Variants in SEC24D observed in about 807,000 individuals in gnomAD.
SEC24D encodes the protein SEC24 homolog D, COPII component.
In SEC24D, 69 loss-of-function variants were observed where a neutral mutation model predicts 116.9. The ratio of observed to expected loss-of-function variants is 0.59; its 90% confidence interval spans 0.49 to 0.72. The LOEUF (loss-of-function observed/expected upper bound fraction) is 0.72, where lower values mean the gene tolerates loss of function less well. SEC24D is among the 30% of genes least tolerant of loss of function. The probability of loss-of-function intolerance (pLI) is 0.00; values close to 1 mark genes in which losing one functional copy is unlikely to be tolerated. For synonymous variants in SEC24D, 405 were observed against 442.8 expected, an observed-to-expected ratio of 0.91 and a Z score of 1.07; for missense variants, 1,131 against 1,264.1, an observed-to-expected ratio of 0.89 and a Z score of 1.60.
chr4:118,723,236 T>C lies in SEC24D; in HGVS notation c.*279A>G, dbSNP rs1578366009. On this transcript the variant is annotated 3_prime_UTR_variant, in exon 23 of 23. Coordinates refer to ENST00000280551, the MANE Select transcript of SEC24D (RefSeq NM_014822.4). ...TAAAGAAAATTGAGAATGTTTATGG[T>C]TCTGTAAACTTTGCCTTTTATGAAA... The C allele has an allele frequency of 3.6e-6, 1 of 276,290 alleles. No individual in the cohort carries two copies. The highest frequency in any genetic ancestry group is 6.8e-5 in the East Asian group (1 of 14,774). The allele number at this position is 276,290 out of a possible 1,614,324, so 17.1% of individuals were successfully genotyped here. A position where few individuals can be genotyped will look rare whatever the true frequency, so the allele number is the denominator to read the frequency against.
At chr4:118,746,143 T>G (rs1243980354) in intron 13 of SEC24D, among the ~76,000 whole-genome samples, 1 of 147,132 alleles carries the variant, frequency 6.8e-6, no homozygotes, top group Admixed American at 6.9e-5. Flanking sequence ...GCCACTGCAC[T>G]CCAGCCTAGG....
intron 19 of SEC24D, 155 bp downstream of exon 19, chr4:118,738,106 G>GC (rs1053479719): frequency 6.2e-5 from 33 of 529,570 alleles, no homozygotes; most frequent in East Asian, 3.2e-4. Flanking sequence ...AAAAACCACA[G>GC]CCCCCCCAAA....
chr4:118,817,910 C>T (rs1437518391), intron 3 of SEC24D, among the ~76,000 whole-genome samples: 1 of 151,960 alleles, frequency 6.6e-6, no homozygotes, highest in East Asian at 1.9e-4. Flanking sequence ...AAAAATTAGC[C>T]AGGAGTGGTG....
intron 21 of SEC24D, chr4:118,729,537 G>C (rs183770998): frequency 6.6e-6 from 1 of 152,116 alleles, no homozygotes; most frequent in South Asian, 2.1e-4. Context: ...CTACTGTTCC[G>C]GCATTAAAAC....
chr4:118,820,514 C>T (rs1161378900), intron 3 of SEC24D, among the ~76,000 whole-genome samples: 1 of 152,108 alleles, frequency 6.6e-6, no homozygotes, highest in Non-Finnish European at 1.5e-5. Flanking sequence ...TTGAAAGTCA[C>T]ATAGCATGTT....
rs1339926126 is a variant in SEC24D at position 118,732,745 on chromosome 4, TTG to T, written c.2662_2663del (p.Gln888ThrfsTer22). The T allele has an allele frequency of 6.2e-7, 1 of 1,613,780 alleles. No homozygotes were observed. Among genetic ancestry groups the T allele is most frequent in the African/African-American group, 1.3e-5 (1 of 74,886 alleles). On this transcript the variant is annotated frameshift_variant, in exon 20 of 23. Transcript: ENST00000280551. LOFTEE classifies it high-confidence loss of function. ...CCAGCATGCTTACTATGGGCAGAAGTTGTGGGTAGAAGAAAAGCTGAGAGTCA... is the reference window on the plus strand; with the variant it reads ...CCAGCATGCTTACTATGGGCAGAAGTTGGGTAGAAGAAAAGCTGAGAGTCA... ...VADSQLFFYPQLLPIHTLDVK... is the reference protein window; with the variant it reads ...VADSQLFFYPXLLPIHTLDVK...
At chr4:118,732,711 T>A (rs761993170) in intron 20 of SEC24D, 22 bp downstream of exon 20, 2 of 1,607,834 alleles carry the variant, frequency 1.2e-6, no homozygotes, top group Non-Finnish European at 8.5e-7. Context: ...CTCTGGGAAA[T>A]GCACCACCCC....
At chr4:118,831,022 G>A (rs1378560145) in intron 2 of SEC24D, among the ~76,000 whole-genome samples, 1 of 151,918 alleles carries the variant, frequency 6.6e-6, no homozygotes, top group Non-Finnish European at 1.5e-5. Context: ...GGAGGGAGAG[G>A]TTTTTTTGCT....
chr4:118,767,188 T>C (rs935166602), intron 9 of SEC24D, among the ~76,000 whole-genome samples: 19 of 152,286 alleles, frequency 1.2e-4, no homozygotes, highest in African/African-American at 4.3e-4. Flanking sequence ...GGTAAAGCCA[T>C]GGACTGTGTG....
chr4:118,781,968 C>G (rs574211864), intron 8 of SEC24D, among the ~76,000 whole-genome samples: 1 of 152,264 alleles, frequency 6.6e-6, no homozygotes, highest in South Asian at 2.1e-4. Flanking sequence ...ACTGTTTATT[C>G]TAGTTAGCCA....
chr4:118,751,433 C>T (rs1726829787), intron 13 of SEC24D, among the ~76,000 whole-genome samples: 1 of 152,158 alleles, frequency 6.6e-6, no homozygotes, highest in African/African-American at 2.4e-5. Context: ...CTGCCTCAGC[C>T]TCCCAAGGTG....
chr4:118,797,629 ATGGT>A, intron 8 of SEC24D, 50 bp downstream of exon 8: 1 of 1,362,524 alleles, frequency 7.3e-7, no homozygotes, highest in Non-Finnish European at 9.9e-7. Context: ...TTGTGAGAAA[ATGGT>A]AATTTTGGAA....
At chr4:118,744,183 GA>G in intron 14 of SEC24D, 25 bp from the exon 15 acceptor site, 1 of 1,493,068 alleles carries the variant, frequency 6.7e-7, no homozygotes, top group Non-Finnish European at 9.0e-7. Context: ...CAAAAAAAAA[GA>G]AAAAATAAAA....
intron 8 of SEC24D, among the ~76,000 whole-genome samples, chr4:118,791,975 C>G (rs1174717743): frequency 6.6e-6 from 1 of 151,912 alleles, no homozygotes; most frequent in Non-Finnish European, 1.5e-5. Flanking sequence ...GCGTCTCTGC[C>G]TGGCCGCCCA....
At chr4:118,755,811 T>C (rs990983308) in intron 11 of SEC24D, among the ~76,000 whole-genome samples, 1 of 152,184 alleles carries the variant, frequency 6.6e-6, no homozygotes, top group African/African-American at 2.4e-5. Flanking sequence ...ACCAGATTTG[T>C]TTTAAAAGAT....
rs768725911 is a variant in SEC24D at position 118,768,285 on chromosome 4, G to A, written c.1068C>T (p.Gly356=). The A allele has an allele frequency of 1.1e-5, 17 of 1,613,354 alleles. No homozygotes were observed. Among genetic ancestry groups the A allele is most frequent in the Admixed American group, 3.3e-5 (2 of 59,922 alleles). The change falls in exon 9 of 23, where the codon GGC becomes GGT. Residue 356 remains glycine, a synonymous_variant. Coordinates refer to ENST00000280551, the MANE Select transcript of SEC24D (RefSeq NM_014822.4). ...NESPLYLVNH[G]ESGPVRCNRC... ...TGTTGCATCTGACTGGTCCACTCTC[G>A]CCGTGATTTACCAAGTAAAGGGGAC...
At chr4:118,834,294 G>C (rs1212462535) in intron 1 of SEC24D, among the ~76,000 whole-genome samples, 1 of 152,226 alleles carries the variant, frequency 6.6e-6, no homozygotes, top group African/African-American at 2.4e-5. Flanking sequence ...TAATTTGACC[G>C]AGCCAGGTGG....
chr4:118,760,475 T>C (rs1646213137), intron 10 of SEC24D: 1 of 152,220 alleles, frequency 6.6e-6, no homozygotes, highest in Non-Finnish European at 1.5e-5. Flanking sequence ...ATCCATGTTG[T>C]AGCATGGGTC....
Position 118,760,801 on chromosome 4 carries a change from G to A in SEC24D, c.1297-2956C>T, listed in dbSNP as rs546337368. 1.2e-4 allele frequency among the ~76,000 whole-genome samples: 18 copies of A among 152,068 alleles called. 1 individual carries two copies. In the South Asian group the frequency reaches 1.2e-3, roughly 11 times the overall value. The stretch of plus-strand genomic sequence containing the variant: ...CGGCTCAGTGCAACCTCCAACTCCC[G>A]GGTTCAAGCGATTCTCCTGCCTCAG... On this transcript the variant is annotated intron_variant, in intron 10 of 22. Transcript: ENST00000280551.
Sources: gnomAD v4.1 joint callset for allele counts (sites outside exome capture counted in the v4.1 genomes callset) on GRCh38, gnomAD v4.1.1 for gene constraint, MANE v1.5 for transcripts, NCBI Gene and HGNC (gene_info 2026-07-23, HGNC 2026-07-21) for gene names.